The following EDAR variants were observed in gnomAD, a reference collection of about 807,000 sequenced individuals.
The protein encoded by EDAR is tumor necrosis factor receptor superfamily member EDAR.
Under a neutral mutation model 51.3 loss-of-function variants are expected in EDAR, and 38 were observed. That is an observed-to-expected ratio of 0.74 (90% CI 0.57 to 0.97). The LOEUF is 0.97. Among genes scored for constraint, EDAR ranks in the 50% least tolerant of loss-of-function variants. EDAR has a pLI of 0.00. For missense variants in EDAR, 528 were observed against 595.0 expected (o/e 0.89, Z 1.17); for synonymous variants, 227 against 242.1 (o/e 0.94, Z 0.58).
rs750499515 is a variant in EDAR at position 108,897,074 on chromosome 2, C to T, written c.1180G>A (p.Gly394Ser). Reference sequence around the variant, plus strand: ...CTGATGCGGTCAAAGAGTTGCATGCCGTCTGTCATGCCCCCAATCTCATCC... The same window carrying T: ...CTGATGCGGTCAAAGAGTTGCATGCTGTCTGTCATGCCCCCAATCTCATCC... ...KRDEIGGMTD[G>S]MQLFDRISTA... is the part of the protein sequence containing the mutation. Residue 394 changes from glycine to serine, a missense_variant, in exon 12 of 12, where the codon GGC becomes AGC. Gly to Ser is a moderately conservative substitution (Grantham distance 56). Coordinates refer to ENST00000258443, the MANE Select transcript of EDAR (RefSeq NM_022336.4). 2.1e-5 allele frequency: 34 copies of T among 1,614,154 alleles called. No individual in the cohort carries two copies. The Middle Eastern group carries it at 2.6e-3, about 125-fold the overall frequency.
At chr2:108,966,854 C>T (rs900405111) in intron 1 of EDAR, among the ~76,000 whole-genome samples, 1 of 152,192 alleles carries the variant, frequency 6.6e-6, no homozygotes, top group African/African-American at 2.4e-5. Context: ...CAAACAACTC[C>T]ACTAACATGA....
intron 1 of EDAR, among the ~76,000 whole-genome samples, chr2:108,964,284 C>T (rs929782751): frequency 3.3e-5 from 5 of 152,066 alleles, no homozygotes; most frequent in South Asian, 2.1e-4. Context: ...TGAGGTCCAC[C>T]GGTGACCTGT....
intron 1 of EDAR, among the ~76,000 whole-genome samples, chr2:108,973,397 A>G (rs1698268754): frequency 6.6e-6 from 1 of 152,206 alleles, no homozygotes; most frequent in African/African-American, 2.4e-5. Flanking sequence ...AGTGTCCGCC[A>G]TCAGCCCCTG....
chr2:108,940,200 G>C (rs1316913996), intron 1 of EDAR: 1 of 152,316 alleles, frequency 6.6e-6, no homozygotes, highest in African/African-American at 2.4e-5. Flanking sequence ...AAAGATGACT[G>C]CCATTATTAC....
intron 5 of EDAR, among the ~76,000 whole-genome samples, chr2:108,922,534 C>T (rs1420164800): frequency 6.6e-6 from 1 of 152,210 alleles, no homozygotes. Context: ...TCCTGCTCCT[C>T]CCCTTCTTTC....
chr2:108,969,034 A>C (rs1329212698), intron 1 of EDAR, among the ~76,000 whole-genome samples: 1 of 152,166 alleles, frequency 6.6e-6, no homozygotes, highest in East Asian at 1.9e-4. Flanking sequence ...GGCCACCTCA[A>C]GGGATCCCTC....
intron 1 of EDAR, among the ~76,000 whole-genome samples, chr2:108,960,193 C>T (rs1698011875): frequency 6.6e-6 from 1 of 152,192 alleles, no homozygotes; most frequent in Non-Finnish European, 1.5e-5. Flanking sequence ...CTGGCAACCA[C>T]CAGTTCTCCC....
intron 1 of EDAR, among the ~76,000 whole-genome samples, chr2:108,957,593 C>T (rs1163478215): frequency 6.6e-6 from 1 of 152,232 alleles, no homozygotes; most frequent in Non-Finnish European, 1.5e-5. Context: ...TCCACAGCCA[C>T]ACACCTGGAT....
chr2:108,900,246 A>G (rs182342151), intron 11 of EDAR, among the ~76,000 whole-genome samples: 1 of 152,302 alleles, frequency 6.6e-6, no homozygotes, highest in African/African-American at 2.4e-5. Flanking sequence ...GACTACATTT[A>G]ATGTAAATGG....
chr2:108,946,426 C>G (rs1416193103), intron 1 of EDAR, among the ~76,000 whole-genome samples: 2 of 152,230 alleles, frequency 1.3e-5, no homozygotes, highest in African/African-American at 4.8e-5. Context: ...GGACTGGTGT[C>G]AGGAATATTG....
At chr2:108,952,258 T>C (rs1042707999) in intron 1 of EDAR, among the ~76,000 whole-genome samples, 2 of 152,122 alleles carry the variant, frequency 1.3e-5, no homozygotes, top group African/African-American at 4.8e-5. Flanking sequence ...ATTGATTTGG[T>C]TTAAATAATG....
intron 1 of EDAR, among the ~76,000 whole-genome samples, chr2:108,948,238 G>C (rs1298294955): frequency 6.6e-6 from 1 of 152,154 alleles, no homozygotes; most frequent in Admixed American, 6.5e-5. Flanking sequence ...GACCACCTAA[G>C]CCTGGACTTC....
chr2:108,969,126 T>C (rs982303700), intron 1 of EDAR, among the ~76,000 whole-genome samples: 1 of 152,280 alleles, frequency 6.6e-6, no homozygotes, highest in East Asian at 1.9e-4. Context: ...GAGAATTGGA[T>C]TCAACAAGGG....
intron 1 of EDAR, among the ~76,000 whole-genome samples, chr2:108,974,329 C>CAAAAA (rs11346592): frequency 2.6e-3 from 161 of 61,462 alleles, no homozygotes; most frequent in East Asian, 0.017. Context: ...GGATCCGTCT[C>CAAAAA]AAAAAAAAAA....
At chr2:108,961,809 G>A (rs1200792035) in intron 1 of EDAR, among the ~76,000 whole-genome samples, 3 of 152,168 alleles carry the variant, frequency 2.0e-5, no homozygotes, top group African/African-American at 4.8e-5. Context: ...CTCGTGACCT[G>A]AGCCTGGGGA....
At position 108,912,722 on chromosome 2, in the gene EDAR, G is replaced by C; in HGVS notation, c.485C>G (p.Thr162Ser). ...TSGASANFPG[T>S]SGSSTLSPFQ... The stretch of plus-strand genomic sequence containing the variant: ...GGGAGACAGGGTGCTGCTGCCCGAG[G>C]TGCCAGGGAAGTTGGCAGAAGCTCC... The change falls in exon 6 of 12, where the codon ACC becomes AGC. Residue 162 changes from threonine (T) to serine (S), a missense_variant. Coordinates refer to ENST00000258443, the MANE Select transcript of EDAR (RefSeq NM_022336.4). 1 of 1,603,166 alleles carries C rather than the reference G, an allele frequency of 6.2e-7. No individual in the cohort carries two copies. Among genetic ancestry groups the C allele is most frequent in the Non-Finnish European group, 8.5e-7 (1 of 1,175,366 alleles).
chr2:108,959,258 G>A (rs1029220061), intron 1 of EDAR, among the ~76,000 whole-genome samples: 1 of 152,230 alleles, frequency 6.6e-6, no homozygotes, highest in African/African-American at 2.4e-5. Context: ...GCTGATGATG[G>A]CCTATGAAGC....
In EDAR at chr2:108,897,049, C is replaced by T. The variant is rs1431108613; in HGVS notation, c.1205G>A (p.Ser402Asn). ...CTCAGGGATGCTGTAGCCTGCCGTG[C>T]TGATGCGGTCAAAGAGTTGCATGCC... ...TDGMQLFDRI[S>N]TAGYSIPELL... The change falls in exon 12 of 12, where the codon AGC becomes AAC. Residue 402 changes from serine (S) to asparagine (N), a missense_variant. Transcript: ENST00000258443. The T allele has an allele frequency of 1.7e-5, 28 of 1,614,164 alleles. No individual in the cohort carries two copies. The highest frequency in any genetic ancestry group is 2.3e-5 in the Non-Finnish European group (27 of 1,180,018).
At chr2:108,925,771 C>T (rs1238852313) in intron 4 of EDAR, among the ~76,000 whole-genome samples, 13 of 152,250 alleles carry the variant, frequency 8.5e-5, no homozygotes, top group Admixed American at 7.2e-4. Context: ...GCATGCACCA[C>T]GACGCCTGGC....
Sources: allele counts gnomAD v4.1 joint callset (sites outside exome capture counted in the v4.1 genomes callset), GRCh38; gene constraint gnomAD v4.1.1; transcripts MANE v1.5; gene names NCBI Gene and HGNC (gene_info 2026-07-23, HGNC 2026-07-21).